NOTCH2: variants seen among roughly 807,000 people sequenced by gnomAD.
The protein encoded by NOTCH2 is notch receptor 2.
In NOTCH2, 29 loss-of-function variants were observed where a neutral mutation model predicts 235.8. That is an observed-to-expected ratio of 0.12 (90% CI 0.09 to 0.17). The LOEUF (loss-of-function observed/expected upper bound fraction) is 0.17. Among genes scored for constraint, NOTCH2 ranks in the 10% least tolerant of loss-of-function variants. The pLI, the probability that NOTCH2 is intolerant of heterozygous loss-of-function variation, is 1.00. For synonymous variants in NOTCH2, 1,086 were observed against 1,141.5 expected (o/e 0.95, Z 0.98); for missense variants, 2,285 against 3,150.2 (o/e 0.73, Z 6.57).
In NOTCH2 at chr1:119,948,435, C is replaced by A. The variant is rs1353475244; in HGVS notation, c.2731G>T (p.Asp911Tyr). The change falls in exon 17 of 34, where the codon GAC becomes TAC. Residue 911 changes from aspartate to tyrosine, a missense_variant. Coordinates refer to ENST00000256646, the MANE Select transcript of NOTCH2 (RefSeq NM_024408.4). ...PGFSGMDCEE[D>Y]IDDCLANPCQ... ...TCACTGGCAAGGCAGTCATCAATGT[C>A]CTCCTCACAGTCCATACCACTGAAG... The A allele has an allele frequency of 6.2e-7, 1 of 1,614,210 alleles. No homozygotes were observed. The highest frequency in any genetic ancestry group is 1.1e-5 in the South Asian group (1 of 91,088).
Position 119,917,731 on chromosome 1 carries a change from G to A in NOTCH2, c.5961C>T (p.Val1987=). The A allele has an allele frequency of 1.2e-6, 2 of 1,613,652 alleles. No homozygotes were observed. The highest frequency in any genetic ancestry group is 1.7e-6 in the Non-Finnish European group (2 of 1,179,658). The change falls in exon 33 of 34, where the codon GTC becomes GTT. Residue 1987 remains valine (V), a synonymous_variant. Transcript: ENST00000256646. ...ACAAAAGAGTTGCCTCCACATTATT[G>A]ACAGCAGCTGCCCAGTGAAGAGCAG... ...GKSALHWAAA[V]NNVEATLLLL...
intron 7 of NOTCH2, among the ~76,000 whole-genome samples, chr1:119,967,876 C>T (rs587775754): frequency 3.8e-4 from 58 of 152,294 alleles, no homozygotes; most frequent in African/African-American, 1.3e-3. Flanking sequence ...CAAGTACATA[C>T]GTTTCATACA....
At chr1:120,028,228 C>T (rs1205168863) in intron 2 of NOTCH2, among the ~76,000 whole-genome samples, 1 of 113,322 alleles carries the variant, frequency 8.8e-6, no homozygotes, top group Non-Finnish European at 1.8e-5. Context: ...AAGACTAAGA[C>T]CTCACATTCT....
chr1:119,949,745 G>C (rs1650398518), intron 15 of NOTCH2, among the ~76,000 whole-genome samples: 2 of 152,102 alleles, frequency 1.3e-5, no homozygotes, highest in African/African-American at 2.4e-5. Flanking sequence ...AGGTAACACA[G>C]TCATGCTATG....
chr1:119,928,501 C>T (rs900107041), intron 23 of NOTCH2, among the ~76,000 whole-genome samples: 2 of 152,108 alleles, frequency 1.3e-5, no homozygotes, highest in Non-Finnish European at 1.5e-5. Context: ...CGGAGTTAGA[C>T]GTAAGGTTCC....
rs587737069 is a variant in NOTCH2, at chr1:120,047,949, G to A, written c.74-17962C>T. On this transcript the variant is annotated intron_variant, in intron 1 of 33. Coordinates refer to ENST00000256646, the MANE Select transcript of NOTCH2 (RefSeq NM_024408.4). ...CCAGCTAATTTTTGCATTTTTTTCC[G>A]TAGAGACGGGGTTTTGCCACATTGG... is the stretch of plus-strand genomic sequence containing the variant. Among the ~76,000 whole-genome samples the A allele has an allele frequency of 1.4e-4, 20 of 147,494 alleles. 1 individual carries two copies. Among genetic ancestry groups the A allele is most frequent in the South Asian group, 1.1e-3 (5 of 4,628 alleles).
intron 25 of NOTCH2, among the ~76,000 whole-genome samples, chr1:119,924,445 A>C (rs1649395087): frequency 6.6e-6 from 1 of 152,142 alleles, no homozygotes; most frequent in South Asian, 2.1e-4. Context: ...AACATGACCC[A>C]TTTCTTTCCC....
At position 119,926,526 on chromosome 1, in the gene NOTCH2, A is replaced by C. The variant is rs1004190689; in HGVS notation, c.3978T>G (p.Pro1326=). 6.2e-7 allele frequency: 1 copy of C among 1,605,750 alleles called. No individual in the cohort carries two copies. Among genetic ancestry groups the C allele is most frequent in the African/African-American group, 1.3e-5 (1 of 74,972 alleles). ...GGGGACAACGGCAAATGAAACCATC[A>C]GGCATGTTACTGGCCACAGCACAAG... ...GGTCAVASNM[P]DGFICRCPPG... Residue 1326 remains proline, a synonymous_variant, in exon 24 of 34, where the codon CCT becomes CCG. Coordinates refer to ENST00000256646, the MANE Select transcript of NOTCH2 (RefSeq NM_024408.4).
chr1:119,922,381 G>GA lies in NOTCH2; in HGVS notation c.5067dup (p.Leu1690SerfsTer16). 6.2e-7 allele frequency: 1 copy of GA among 1,614,158 alleles called. No homozygotes were observed. The highest frequency in any genetic ancestry group is 8.5e-7 in the Non-Finnish European group (1 of 1,180,032). On this transcript the variant is annotated frameshift_variant, in exon 28 of 34. Transcript: ENST00000256646. LOFTEE classifies it high-confidence loss of function. ...ATTACCCCCAGCAGAATAATAAACAGAATGATGACAACAGCAACAGCAAGG... is the reference window on the plus strand; with the variant it reads ...ATTACCCCCAGCAGAATAATAAACAGAAATGATGACAACAGCAACAGCAAGG...
intron 9 of NOTCH2, 72 bp from the exon 10 acceptor site, chr1:119,965,638 A>C: frequency 9.4e-7 from 1 of 1,068,886 alleles, no homozygotes; most frequent in Non-Finnish European, 1.5e-6. Context: ...GAATGATGTT[A>C]GGTTACTAGC....
At chr1:120,029,625 C>A (rs1459678429) in intron 2 of NOTCH2, among the ~76,000 whole-genome samples, 2 of 152,002 alleles carry the variant, frequency 1.3e-5, no homozygotes, top group Non-Finnish European at 2.9e-5. Context: ...CTGGGATTAC[C>A]AGCATGAGCC....
intron 12 of NOTCH2, among the ~76,000 whole-genome samples, chr1:119,956,234 T>C (rs1257620796): frequency 6.6e-6 from 1 of 152,236 alleles, no homozygotes; most frequent in East Asian, 1.9e-4. Flanking sequence ...GTAACTGAGA[T>C]TTAACTATAT....
chr1:119,995,253 C>G (rs1652395624), intron 4 of NOTCH2: 1 of 146,698 alleles, frequency 6.8e-6, no homozygotes, highest in Middle Eastern at 3.4e-3. Flanking sequence ...TAATGGATAA[C>G]AATGCAGAGG....
Position 119,977,538 on chromosome 1 carries a change from C to G in NOTCH2, c.875-7794G>C, listed in dbSNP as rs188449805. The stretch of plus-strand genomic sequence containing the variant: ...GCTCCTGCAGTCCTCCTCTTCTAAA[C>G]ACTGCCACTGACAGGAAACTAGGGG... On this transcript the variant is annotated intron_variant, in intron 5 of 33. Coordinates refer to ENST00000256646, the MANE Select transcript of NOTCH2 (RefSeq NM_024408.4). Among the ~76,000 whole-genome samples the G allele has an allele frequency of 3.8e-3, 577 of 152,352 alleles. 1 individual carries two copies. The highest frequency in any genetic ancestry group is 6.2e-3 in the Non-Finnish European group (424 of 68,038).
In NOTCH2 at chr1:119,963,489, A is replaced by G; in HGVS notation, c.1915+85T>C. 6.6e-6 allele frequency: 8 copies of G among 1,210,624 alleles called. No individual in the cohort carries two copies. The South Asian group carries it at 8.5e-5, about 13-fold the overall frequency. The allele number at this position is 1,210,624 out of a possible 1,614,324, so 75.0% of individuals were successfully genotyped here. A position where few individuals can be genotyped will look rare whatever the true frequency, so the allele number is the denominator to read the frequency against. ...AGGACTGTTTTTTAGGTATCTGAGC[A>G]TATGCCAACAGTCTGAAACATCTGT... On this transcript the variant is annotated intron_variant, in intron 11 of 33. Coordinates refer to ENST00000256646, the MANE Select transcript of NOTCH2 (RefSeq NM_024408.4).
chr1:119,999,923 GAAAGAA>G (rs529037236), intron 3 of NOTCH2, among the ~76,000 whole-genome samples: 2 of 63,776 alleles, frequency 3.1e-5, no homozygotes, highest in African/African-American at 5.8e-5. Flanking sequence ...GAGAGAGAAA[GAAAGAA>G]AGAAAGAAAG....
chr1:119,980,387 A>G (rs1651771338), intron 5 of NOTCH2, among the ~76,000 whole-genome samples: 1 of 152,200 alleles, frequency 6.6e-6, no homozygotes, highest in Admixed American at 6.5e-5. Context: ...CTCTTAGTGT[A>G]GCCAAGCTCT....
At chr1:119,928,762 A>G (rs587692771) in intron 23 of NOTCH2, among the ~76,000 whole-genome samples, 1 of 152,376 alleles carries the variant, frequency 6.6e-6, no homozygotes, top group African/African-American at 2.4e-5. Flanking sequence ...AATGCACAAC[A>G]AAAGAATCTC....
intron 19 of NOTCH2, among the ~76,000 whole-genome samples, chr1:119,938,740 G>T (rs1649954377): frequency 6.6e-6 from 1 of 151,932 alleles, no homozygotes. Flanking sequence ...GAGTGCAGTG[G>T]CGCTATCTCC....
Sources: allele counts gnomAD v4.1 joint callset (sites outside exome capture counted in the v4.1 genomes callset), GRCh38; gene constraint gnomAD v4.1.1; transcripts MANE v1.5; gene names NCBI Gene and HGNC (gene_info 2026-07-23, HGNC 2026-07-21).